PRR5L: variants seen among roughly 807,000 people sequenced by gnomAD.
PRR5L encodes proline-rich protein 5-like.
In PRR5L, 21 loss-of-function variants were observed where a neutral mutation model predicts 36.4. The observed-to-expected ratio is 0.58, with a 90% confidence interval of 0.41 to 0.83. PRR5L has a LOEUF of 0.83. Among genes scored for constraint, PRR5L ranks in the 40% least tolerant of loss-of-function variants. The pLI is 0.00. For missense variants in PRR5L, 381 were observed against 473.3 expected (o/e 0.80, Z 1.81); for synonymous variants, 188 against 197.0 (o/e 0.95, Z 0.38).
intron 1 of PRR5L, among the ~76,000 whole-genome samples, chr11:36,351,308 T>G (rs1424774813): frequency 2.8e-5 from 2 of 71,880 alleles, no homozygotes; most frequent in African/African-American, 5.2e-5. Flanking sequence ...ATATATATAT[T>G]TATATATATT....
Position 36,462,451 on chromosome 11 carries a change from G to A in PRR5L, c.822G>A (p.Glu274=). 1 of 1,606,780 alleles carries A rather than the reference G, an allele frequency of 6.2e-7. No homozygotes were observed. Among genetic ancestry groups the A allele is most frequent in the South Asian group, 1.1e-5 (1 of 89,754 alleles). ...AGATGGTCTTGACCCCACTGACAGA[G>A]CAGGAGGGGGAAGCCTACCTGGAGA... ...LNEMVLTPLT[E]QEGEAYLEKC... Residue 274 remains glutamate, a synonymous_variant, in exon 9 of 9, where the codon GAG becomes GAA. Coordinates refer to ENST00000530639, the MANE Select transcript of PRR5L (RefSeq NM_001160167.2).
chr11:36,410,061 A>G (rs1857992576), intron 3 of PRR5L, among the ~76,000 whole-genome samples: 1 of 152,208 alleles, frequency 6.6e-6, no homozygotes, highest in South Asian at 2.1e-4. Flanking sequence ...AGGGATTAAG[A>G]TGAGGGCTCT....
Position 36,375,384 on chromosome 11 carries a change from A to C in PRR5L, c.-125-25613A>C, listed in dbSNP as rs186892541. Among the ~76,000 whole-genome samples, 593 of 152,338 alleles carry C rather than the reference A, an allele frequency of 3.9e-3. 2 individuals are homozygous for C. Among genetic ancestry groups the C allele is most frequent in the Non-Finnish European group, 6.7e-3 (459 of 68,040 alleles). ...TTAGCTTTACCTAATATCGCAGGACAAATGAGACACCCAGAACTTCTTCAA... is the reference window on the plus strand; with the variant it reads ...TTAGCTTTACCTAATATCGCAGGACCAATGAGACACCCAGAACTTCTTCAA... On this transcript the variant is annotated intron_variant, in intron 1 of 8. Transcript: ENST00000530639.
chr11:36,298,218 T>C (rs1031572022), intron 1 of PRR5L, among the ~76,000 whole-genome samples: 1 of 152,194 alleles, frequency 6.6e-6, no homozygotes, highest in Non-Finnish European at 1.5e-5. Context: ...CCCCAATTTT[T>C]TTGGTACCAG....
At chr11:36,405,808 C>T (rs954317946) in intron 3 of PRR5L, among the ~76,000 whole-genome samples, 1 of 152,142 alleles carries the variant, frequency 6.6e-6, no homozygotes, top group South Asian at 2.1e-4. Flanking sequence ...GCCCTCTTCC[C>T]GACTGGAAGA....
chr11:36,342,022 C>T (rs896185638), intron 1 of PRR5L, among the ~76,000 whole-genome samples: 6 of 152,200 alleles, frequency 3.9e-5, no homozygotes, highest in African/African-American at 1.4e-4. Flanking sequence ...CATCTACAAG[C>T]CCGTCTCTGC....
chr11:36,356,240 G>A (rs1425588217), intron 1 of PRR5L, among the ~76,000 whole-genome samples: 1 of 152,126 alleles, frequency 6.6e-6, no homozygotes, highest in African/African-American at 2.4e-5. Flanking sequence ...AAGTATCAAA[G>A]CTTCTGTATT....
chr11:36,299,759 C>G (rs926789195), intron 1 of PRR5L, among the ~76,000 whole-genome samples: 24 of 152,050 alleles, frequency 1.6e-4, no homozygotes, highest in Non-Finnish European at 3.4e-4. Context: ...AGCTTTAACC[C>G]ACTTCATTAT....
At chr11:36,330,356 A>C (rs925566202) in intron 1 of PRR5L, among the ~76,000 whole-genome samples, 1 of 152,228 alleles carries the variant, frequency 6.6e-6, no homozygotes, top group African/African-American at 2.4e-5. Flanking sequence ...ATTTAGTCCT[A>C]TGCAATTCAT....
intron 2 of PRR5L, among the ~76,000 whole-genome samples, chr11:36,402,774 C>T (rs1857824415): frequency 1.3e-5 from 2 of 152,222 alleles, no homozygotes; most frequent in Admixed American, 1.3e-4. Flanking sequence ...ACTAACTCTA[C>T]TGCCGGTACA....
rs34680620 is a variant in PRR5L at position 36,462,565 on chromosome 11, G to T, written c.936G>T (p.Leu312=). Residue 312 remains leucine (L), a synonymous_variant, in exon 9 of 9, where the codon CTG becomes CTT. Coordinates refer to ENST00000530639, the MANE Select transcript of PRR5L (RefSeq NM_001160167.2). ...LAMATMMHSG[L]GEEASSENKC... ...TGGCCACCATGATGCACTCGGGCCT[G>T]GGGGAGGAGGCCAGCAGTGAGAACA... The T allele has an allele frequency of 2.4e-3, 3,861 of 1,612,760 alleles. 82 individuals carry two copies. In the African/African-American group the frequency reaches 0.046, roughly 19 times the overall value.
Position 36,351,677 on chromosome 11 carries a change from ATATATT to A in PRR5L, c.-125-49314_-125-49309del, listed in dbSNP as rs1269887662. Among the ~76,000 whole-genome samples, 127 of 13,984 alleles carry A rather than the reference ATATATT, an allele frequency of 9.1e-3. 41 individuals are homozygous for A. The highest frequency in any genetic ancestry group is 0.041 in the African/African-American group (120 of 2,936). 9.2% of individuals were successfully genotyped at this position (13,984 alleles called of 152,430 possible). On this transcript the variant is annotated intron_variant, in intron 1 of 8. Coordinates refer to ENST00000530639, the MANE Select transcript of PRR5L (RefSeq NM_001160167.2). Reference sequence around the variant, plus strand: ...TATATAAATATATATTTATATACTTATATATTTATATATTTATATATTTATATATTT... The same window carrying A: ...TATATAAATATATATTTATATACTTATATATATTTATATATTTATATATTT...
At chr11:36,299,144 C>T (rs1463827577) in intron 1 of PRR5L, among the ~76,000 whole-genome samples, 2 of 152,084 alleles carry the variant, frequency 1.3e-5, no homozygotes, top group South Asian at 2.1e-4. Context: ...AGGACCTACA[C>T]ATCCCAGAGG....
chr11:36,433,275 C>A (rs945043947), intron 5 of PRR5L, among the ~76,000 whole-genome samples: 1 of 152,098 alleles, frequency 6.6e-6, no homozygotes, highest in Non-Finnish European at 1.5e-5. Context: ...CTTTCCTCAG[C>A]CCCCGACAGC....
chr11:36,465,121 A>T lies in PRR5L; in HGVS notation c.*2385A>T, dbSNP rs1365667043. The T allele has an allele frequency of 6.6e-6, 1 of 152,228 alleles. No individual in the cohort carries two copies. The highest frequency in any genetic ancestry group is 2.4e-5 in the African/African-American group (1 of 41,442). 9.4% of individuals were successfully genotyped at this position (152,228 alleles called of 1,614,324 possible). A position where few individuals can be genotyped will look rare whatever the true frequency, so the allele number is the denominator to read the frequency against. ...TGACATTTGATGACAGGAAGCAATC[A>T]TGACTCTTCAAGTGAGCTCACAGAA... On this transcript the variant is annotated 3_prime_UTR_variant, in exon 9 of 9. Coordinates refer to ENST00000530639, the MANE Select transcript of PRR5L (RefSeq NM_001160167.2).
chr11:36,405,268 C>T (rs1024449833), intron 3 of PRR5L, among the ~76,000 whole-genome samples: 4 of 152,232 alleles, frequency 2.6e-5, no homozygotes, highest in Admixed American at 2.6e-4. Flanking sequence ...TGGTAGAACA[C>T]AGGCCCACTG....
chr11:36,308,984 C>T (rs1164172206), intron 1 of PRR5L, among the ~76,000 whole-genome samples: 1 of 152,202 alleles, frequency 6.6e-6, no homozygotes, highest in Non-Finnish European at 1.5e-5. Flanking sequence ...GGCTTATTTT[C>T]CTCAGTCACA....
At chr11:36,341,370 G>T (rs989089086) in intron 1 of PRR5L, among the ~76,000 whole-genome samples, 8 of 152,178 alleles carry the variant, frequency 5.3e-5, no homozygotes, top group Non-Finnish European at 1.2e-4. Context: ...GCTGTCCAAA[G>T]ACCAACCTGA....
At chr11:36,363,141 G>A (rs1273800767) in intron 1 of PRR5L, among the ~76,000 whole-genome samples, 2 of 152,336 alleles carry the variant, frequency 1.3e-5, no homozygotes, top group Admixed American at 1.3e-4. Context: ...CTGGGCATAG[G>A]ATGAGGTGAG....
Sources: allele counts gnomAD v4.1 joint callset (sites outside exome capture counted in the v4.1 genomes callset), GRCh38; gene constraint gnomAD v4.1.1; transcripts MANE v1.5; gene names NCBI Gene and HGNC (gene_info 2026-07-23, HGNC 2026-07-21).